TCTN2: variants seen among roughly 807,000 people sequenced by gnomAD.
TCTN2 encodes tectonic-2.
In TCTN2, 66 loss-of-function variants were observed where a neutral mutation model predicts 83.4. The ratio of observed to expected loss-of-function variants is 0.79; its 90% CI spans 0.65 to 0.97. TCTN2 has a LOEUF of 0.97. TCTN2 is among the 50% of genes least tolerant of loss of function. The pLI is 0.00. For synonymous variants in TCTN2, 301 were observed against 326.7 expected (o/e 0.92, Z 0.85); for missense variants, 794 against 858.1 (o/e 0.93, Z 0.93).
rs569901135 is a variant in TCTN2 at position 123,704,409 on chromosome 12, A to G, written c.1613-123A>G. 4.8e-5 allele frequency: 48 copies of G among 993,034 alleles called. No individual in the cohort carries two copies. The East Asian group carries it at 6.3e-4, about 13-fold the overall frequency. 61.5% of individuals were successfully genotyped at this position (993,034 alleles called of 1,614,324 possible). On this transcript the variant is annotated intron_variant, in intron 14 of 17. Coordinates refer to ENST00000303372, the MANE Select transcript of TCTN2 (RefSeq NM_024809.5). The stretch of plus-strand genomic sequence containing the variant: ...GAGTGACAAGTAACTAGAGCCTGTA[A>G]GAGACTAAAGCCTCATTAATGTGAT...
chr12:123,702,905 G>A (rs1956188689), intron 14 of TCTN2, among the ~76,000 whole-genome samples: 1 of 152,198 alleles, frequency 6.6e-6, no homozygotes, highest in African/African-American at 2.4e-5. Context: ...GTTGACACAT[G>A]TATAAGGAAA....
At chr12:123,687,385 C>T (rs942079887) in intron 6 of TCTN2, among the ~76,000 whole-genome samples, 2 of 152,138 alleles carry the variant, frequency 1.3e-5, no homozygotes, top group African/African-American at 2.4e-5. Context: ...AGGCCGGGAG[C>T]GGTGGCTCAC....
chr12:123,680,533 T>C (rs1161504551), intron 5 of TCTN2, among the ~76,000 whole-genome samples: 3 of 150,826 alleles, frequency 2.0e-5, no homozygotes, highest in Non-Finnish European at 3.0e-5. Context: ...TTTTTTTTTT[T>C]TGAGACAGAG....
At chr12:123,703,161 TTTA>T (rs1197048583) in intron 14 of TCTN2, among the ~76,000 whole-genome samples, 6 of 151,548 alleles carry the variant, frequency 4.0e-5, no homozygotes, top group Non-Finnish European at 5.9e-5. Context: ...TGGATTTTGT[TTTA>T]TTATTATTTT....
chr12:123,695,249 T>A lies in TCTN2; in HGVS notation c.1264T>A (p.Phe422Ile). 3 of 1,583,832 alleles carry A rather than the reference T, an allele frequency of 1.9e-6. No homozygotes were observed. Among genetic ancestry groups the A allele is most frequent in the African/African-American group, 1.3e-5 (1 of 74,360 alleles). ...GIMTQRFVVK[F>I]LSYNSGNEEE... ...AATGACACAGAGATTTGTAGTAAAATTTTTAAGCTATAATAGTGGTAATGA... is the reference window on the plus strand; with the variant it reads ...AATGACACAGAGATTTGTAGTAAAAATTTTAAGCTATAATAGTGGTAATGA... The change falls in exon 11 of 18, where the codon TTT (phenylalanine) becomes ATT (isoleucine). Residue 422 changes from phenylalanine to isoleucine, a missense_variant. Transcript: ENST00000303372.
intron 7 of TCTN2, among the ~76,000 whole-genome samples, chr12:123,688,466 C>A (rs917531329): frequency 4.6e-5 from 7 of 152,126 alleles, no homozygotes; most frequent in African/African-American, 1.7e-4. Context: ...CCTAGTGCCT[C>A]AGCCTCCCAA....
At chr12:123,693,454 A>ATTT (rs59347706) in intron 9 of TCTN2, among the ~76,000 whole-genome samples, 3 of 79,070 alleles carry the variant, frequency 3.8e-5, no homozygotes, top group Non-Finnish European at 5.3e-5. Context: ...AGTTTGGCAG[A>ATTT]TTTTTTTTTT....
intron 16 of TCTN2, 65 bp downstream of exon 16, chr12:123,706,916 T>G: frequency 6.2e-7 from 1 of 1,613,860 alleles, no homozygotes; most frequent in Non-Finnish European, 8.5e-7. Flanking sequence ...AAATTGGAAG[T>G]TTATTCCTTT....
Position 123,708,006 on chromosome 12 carries a change from C to A in TCTN2, c.*293C>A. ...TACAGGCATGAGCCACCGCACCCGG[C>A]CTTTTTTTTTTTTTTTTTTTTTTTG... On this transcript the variant is annotated 3_prime_UTR_variant, in exon 18 of 18. Transcript: ENST00000303372. 2 of 294,588 alleles carry A rather than the reference C, an allele frequency of 6.8e-6. No individual in the cohort carries two copies. Among genetic ancestry groups the A allele is most frequent in the South Asian group, 3.9e-5 (1 of 25,750 alleles). The allele number at this position is 294,588 out of a possible 1,614,324, so 18.2% of individuals were successfully genotyped here.
Position 123,671,612 on chromosome 12 carries a change from C to G in TCTN2, c.188C>G (p.Ala63Gly), listed in dbSNP as rs1295315943. The change falls in exon 2 of 18, where the codon GCG becomes GGG. Residue 63 changes from alanine to glycine, a missense_variant and splice_region_variant. Coordinates refer to ENST00000303372, the MANE Select transcript of TCTN2 (RefSeq NM_024809.5). ...TCCCTGGCAGTGCTGCAGGACGAGG[C>G]GGGTAAAGTCCGGCCCTCTTTTGGG... ...TVSLAVLQDE[A>G]GILPIPTCGV... The G allele has an allele frequency of 6.2e-7, 1 of 1,611,296 alleles. No individual in the cohort carries two copies. The highest frequency in any genetic ancestry group is 1.3e-5 in the African/African-American group (1 of 74,906).
chr12:123,680,352 C>CAA (rs550243428), intron 5 of TCTN2, among the ~76,000 whole-genome samples: 39,693 of 108,598 alleles, frequency 0.37, 6,454 homozygotes, highest in Middle Eastern at 0.49. Context: ...AACTCCGTTT[C>CAA]AAAAAAAAAA....
At chr12:123,701,421 C>T (rs1956170568) in intron 14 of TCTN2, among the ~76,000 whole-genome samples, 1 of 152,084 alleles carries the variant, frequency 6.6e-6, no homozygotes, top group Non-Finnish European at 1.5e-5. Context: ...CTCAATAAAG[C>T]TGTCAGGAAA....
At chr12:123,704,427 A>G (rs1339755719) in intron 14 of TCTN2, 105 bp from the exon 15 acceptor site, 39 of 1,203,316 alleles carry the variant, frequency 3.2e-5, no homozygotes, top group Non-Finnish European at 1.2e-6. Flanking sequence ...AAGCCTCATT[A>G]ATGTGATGCC....
In TCTN2 at chr12:123,688,141, T is replaced by C; in HGVS notation, c.855T>C (p.Ile285=). 3 of 1,613,956 alleles carry C rather than the reference T, an allele frequency of 1.9e-6. No individual in the cohort carries two copies. The highest frequency in any genetic ancestry group is 2.5e-6 in the Non-Finnish European group (3 of 1,179,858). ...TTGGTTACAAACAAGGAGATCCCAT[T>C]ATGACTGTAAAGAAGGCATATTTTA... is the stretch of plus-strand genomic sequence containing the variant. ...ADFGYKQGDP[I]MTVKKAYFTI... The change falls in exon 7 of 18, where the codon ATT becomes ATC. Residue 285 remains isoleucine (I), a synonymous_variant. Coordinates refer to ENST00000303372, the MANE Select transcript of TCTN2 (RefSeq NM_024809.5).
chr12:123,686,204 A>T (rs1321514623), intron 5 of TCTN2, among the ~76,000 whole-genome samples: 2 of 151,612 alleles, frequency 1.3e-5, no homozygotes, highest in Non-Finnish European at 2.9e-5. Context: ...CCACCACCAC[A>T]CCCGGCTAAT....
At chr12:123,683,172 A>G (rs11608312) in intron 5 of TCTN2, among the ~76,000 whole-genome samples, 1 of 150,430 alleles carries the variant, frequency 6.6e-6, no homozygotes, top group East Asian at 2.0e-4. Context: ...GCAGTGAGCC[A>G]AGATCGTACC....
At chr12:123,693,541 T>G (rs1593855719) in intron 9 of TCTN2, among the ~76,000 whole-genome samples, 1 of 144,386 alleles carries the variant, frequency 6.9e-6, no homozygotes. Context: ...TAACCTCCAC[T>G]TCCTGGGTTC....
intron 9 of TCTN2, among the ~76,000 whole-genome samples, chr12:123,693,293 T>C (rs888772291): frequency 6.7e-6 from 1 of 148,360 alleles, no homozygotes; most frequent in Non-Finnish European, 1.5e-5. Context: ...CCCAAAGTGC[T>C]GGGATTATAG....
intron 5 of TCTN2, among the ~76,000 whole-genome samples, chr12:123,685,465 C>G: frequency 6.6e-6 from 1 of 152,168 alleles, no homozygotes; most frequent in East Asian, 1.9e-4. Flanking sequence ...GTCACCCAGG[C>G]TGGAGTGCAG....
Sources: allele counts gnomAD v4.1 joint callset (sites outside exome capture counted in the v4.1 genomes callset), GRCh38; gene constraint gnomAD v4.1.1; transcripts MANE v1.5; gene names NCBI Gene and HGNC (gene_info 2026-07-23, HGNC 2026-07-21).